The following PLCXD3 variants were observed in gnomAD, a reference collection of about 807,000 sequenced individuals.
The protein encoded by PLCXD3 is phosphatidylinositol specific phospholipase C X domain containing 3, also known as PI-PLC X domain-containing protein 3.
In PLCXD3, 19 loss-of-function variants were observed where a neutral mutation model predicts 25.5. The ratio of observed to expected loss-of-function variants is 0.75; its 90% CI spans 0.52 to 1.09. The LOEUF (loss-of-function observed/expected upper bound fraction) is 1.09. Among genes scored for constraint, PLCXD3 ranks in the 50% least tolerant of loss-of-function variants. The pLI is 0.00. For missense variants in PLCXD3, 411 were observed against 388.1 expected (o/e 1.06, Z -0.50); for synonymous variants, 174 against 137.6 (o/e 1.26, Z -1.85).
intron 2 of PLCXD3, among the ~76,000 whole-genome samples, chr5:41,369,807 A>G (rs1336114000): frequency 6.6e-6 from 1 of 152,122 alleles, no homozygotes; most frequent in Non-Finnish European, 1.5e-5. Flanking sequence ...GAGTTATCTT[A>G]TTTATTTTTT....
intron 1 of PLCXD3, among the ~76,000 whole-genome samples, chr5:41,484,798 G>A (rs1187539725): frequency 1.3e-5 from 2 of 152,062 alleles, no homozygotes; most frequent in Non-Finnish European, 2.9e-5. Context: ...TTAAAATATT[G>A]TTCTTAATCC....
chr5:41,505,711 A>C (rs1447365042), intron 1 of PLCXD3, among the ~76,000 whole-genome samples: 1 of 152,230 alleles, frequency 6.6e-6, no homozygotes, highest in African/African-American at 2.4e-5. Flanking sequence ...CTTTAAGGAA[A>C]TGAGGGGAAA....
chr5:41,461,450 T>C (rs1747873497), intron 1 of PLCXD3, among the ~76,000 whole-genome samples: 1 of 151,976 alleles, frequency 6.6e-6, no homozygotes, highest in Non-Finnish European at 1.5e-5. Flanking sequence ...ATCTGTTTCA[T>C]GTACACTTGG....
intron 1 of PLCXD3, among the ~76,000 whole-genome samples, chr5:41,491,248 G>A (rs1015125200): frequency 5.3e-5 from 8 of 152,232 alleles, no homozygotes; most frequent in Non-Finnish European, 1.0e-4. Context: ...AGTGGTTTGA[G>A]TGAGTTTCTT....
chr5:41,454,211 C>T (rs867626434), intron 1 of PLCXD3, among the ~76,000 whole-genome samples: 2 of 151,972 alleles, frequency 1.3e-5, no homozygotes, highest in East Asian at 1.9e-4. Flanking sequence ...GATACAGTCA[C>T]ACTGTAGTGG....
chr5:41,408,505 C>A (rs565337406), intron 1 of PLCXD3, among the ~76,000 whole-genome samples: 4 of 152,248 alleles, frequency 2.6e-5, no homozygotes, highest in Middle Eastern at 3.4e-3. Context: ...TGTCACAACA[C>A]CTGTGTTGTT....
chr5:41,382,436 C>A lies in PLCXD3; in HGVS notation c.202G>T (p.Val68Leu), dbSNP rs1161559955. The stretch of plus-strand genomic sequence containing the variant: ...CATTTCCGCATGAGCTTTTTGGCCA[C>A]AGTTCCAAACACAGAGACAAAATTC... ...VQNFVSVFGTVAKKLMRKWLA... is the reference protein window; with the variant it reads ...VQNFVSVFGTLAKKLMRKWLA... The change falls in exon 2 of 3, where the codon GTG becomes TTG. Residue 68 changes from valine to leucine, a missense_variant. By Grantham distance (32) the Val-to-Leu change is conservative. Transcript: ENST00000377801. 6.2e-7 allele frequency: 1 copy of A among 1,613,348 alleles called. No individual in the cohort carries two copies. Among genetic ancestry groups the A allele is most frequent in the Non-Finnish European group, 8.5e-7 (1 of 1,179,704 alleles).
At chr5:41,429,198 A>G (rs1392651550) in intron 1 of PLCXD3, among the ~76,000 whole-genome samples, 3 of 152,156 alleles carry the variant, frequency 2.0e-5, no homozygotes, top group African/African-American at 7.2e-5. Flanking sequence ...TACCACCAAG[A>G]GAAGTCAATG....
rs191470965 is a variant in PLCXD3, at chr5:41,386,714, C to T, written c.104-4180G>A. On this transcript the variant is annotated intron_variant, in intron 1 of 2. Transcript: ENST00000377801. ...ATGCAGTGTTGTAGAGAAGGCCATA[C>T]GGCAATGGAAGTCATTAATAGCTCA... Among the ~76,000 whole-genome samples the T allele has an allele frequency of 1.2e-4, 19 of 152,112 alleles. No homozygotes were observed. The East Asian group carries it at 2.7e-3, about 22-fold the overall frequency.
intron 1 of PLCXD3, among the ~76,000 whole-genome samples, chr5:41,422,434 G>A (rs1746850260): frequency 6.6e-6 from 1 of 152,298 alleles, no homozygotes; most frequent in African/African-American, 2.4e-5. Flanking sequence ...TATCTGGGTA[G>A]GATGGGTCTC....
chr5:41,503,657 C>G (rs1045336307), intron 1 of PLCXD3, among the ~76,000 whole-genome samples: 9 of 152,132 alleles, frequency 5.9e-5, no homozygotes, highest in African/African-American at 1.7e-4. Context: ...TCCACCTGAA[C>G]CATGATTAAA....
Position 41,479,881 on chromosome 5 carries a change from T to C in PLCXD3, c.103+30543A>G, listed in dbSNP as rs1192551740. 3.3e-5 allele frequency among the ~76,000 whole-genome samples: 5 copies of C among 152,190 alleles called. No homozygotes were observed. The East Asian group carries it at 7.7e-4, about 23-fold the overall frequency. Reference sequence around the variant, plus strand: ...ACATATAAGTATTTGCCAATACTTGTCAAAACAACTAATACATCACCTAGA... The same window carrying C: ...ACATATAAGTATTTGCCAATACTTGCCAAAACAACTAATACATCACCTAGA... On this transcript the variant is annotated intron_variant, in intron 1 of 2. Coordinates refer to ENST00000377801, the MANE Select transcript of PLCXD3 (RefSeq NM_001005473.3).
chr5:41,480,927 A>G (rs1013880264), intron 1 of PLCXD3, among the ~76,000 whole-genome samples: 1 of 151,972 alleles, frequency 6.6e-6, no homozygotes, highest in Non-Finnish European at 1.5e-5. Context: ...ATAAATAAAC[A>G]AACAAACAAA....
At chr5:41,413,771 C>A (rs1478799593) in intron 1 of PLCXD3, among the ~76,000 whole-genome samples, 1 of 151,882 alleles carries the variant, frequency 6.6e-6, no homozygotes, top group East Asian at 1.9e-4. Flanking sequence ...ATTCTCAGTA[C>A]AATAAAAATC....
At chr5:41,488,672 A>T (rs937231085) in intron 1 of PLCXD3, among the ~76,000 whole-genome samples, 2 of 146,620 alleles carry the variant, frequency 1.4e-5, no homozygotes, top group Admixed American at 1.3e-4. Flanking sequence ...CATTTCTCTG[A>T]TGGCCAGTGA....
chr5:41,391,413 C>T (rs895004661), intron 1 of PLCXD3, among the ~76,000 whole-genome samples: 6 of 152,122 alleles, frequency 3.9e-5, no homozygotes, highest in African/African-American at 1.4e-4. Flanking sequence ...ATGAGGTCCC[C>T]ATTTCAGCTC....
chr5:41,348,594 A>G (rs952708186), intron 2 of PLCXD3, among the ~76,000 whole-genome samples: 2 of 152,220 alleles, frequency 1.3e-5, no homozygotes, highest in Non-Finnish European at 2.9e-5. Context: ...TCCCATCACC[A>G]TCATATAAGA....
rs1743067781 is a variant in PLCXD3, at chr5:41,309,186, C to T, written c.*4431G>A. 6.6e-6 allele frequency: 1 copy of T among 152,478 alleles called. No individual in the cohort carries two copies. The highest frequency in any genetic ancestry group is 1.5e-5 in the Non-Finnish European group (1 of 67,992). The allele number at this position is 152,478 out of a possible 1,614,324, so 9.4% of individuals were successfully genotyped here. On this transcript the variant is annotated 3_prime_UTR_variant, in exon 3 of 3. Transcript: ENST00000377801. ...AATATACGTTTAAAACTATTACCTACAAAATAGTATCACAATTGAAATAAC... is the reference window on the plus strand; with the variant it reads ...AATATACGTTTAAAACTATTACCTATAAAATAGTATCACAATTGAAATAAC...
chr5:41,347,801 C>A (rs1405228970), intron 2 of PLCXD3, among the ~76,000 whole-genome samples: 1 of 152,190 alleles, frequency 6.6e-6, no homozygotes, highest in Admixed American at 6.5e-5. Context: ...CAAAGAGGTG[C>A]AGGAAAGACT....
Sources: gnomAD v4.1 joint callset for allele counts (sites outside exome capture counted in the v4.1 genomes callset) on GRCh38, gnomAD v4.1.1 for gene constraint, MANE v1.5 for transcripts, NCBI Gene and HGNC (gene_info 2026-07-23, HGNC 2026-07-21) for gene names.